RYR3: variants seen among roughly 807,000 people sequenced by gnomAD.
RYR3 encodes the protein brain ryanodine receptor-calcium release channel.
A neutral mutation model predicts 584.3 loss-of-function variants in RYR3; 207 were observed. That is an observed-to-expected ratio of 0.35 (90% CI 0.32 to 0.40). The LOEUF (loss-of-function observed/expected upper bound fraction) is 0.40, where lower values mean the gene tolerates loss of function less well. Among genes scored for constraint, RYR3 ranks in the 10% least tolerant of loss-of-function variants. The pLI is 1.00. For missense variants in RYR3, 5,616 were observed against 6,089.2 expected, an observed-to-expected ratio of 0.92 and a Z score of 2.59; for synonymous variants, 2,416 against 2,248.5, an observed-to-expected ratio of 1.07 and a Z score of -2.11.
intron 67 of RYR3, among the ~76,000 whole-genome samples, chr15:33,796,496 G>T (rs1052349536): frequency 6.6e-6 from 1 of 152,114 alleles, no homozygotes; most frequent in Non-Finnish European, 1.5e-5. Flanking sequence ...CCAGGATTCT[G>T]TTCTTATGCT....
Position 33,756,904 on chromosome 15 carries a change from T to C in RYR3, c.8583+531T>C, listed in dbSNP as rs564566882. Among the ~76,000 whole-genome samples the C allele has an allele frequency of 2.8e-3, 431 of 152,222 alleles. 2 individuals carry two copies. Among genetic ancestry groups the C allele is most frequent in the South Asian group, 0.014 (67 of 4,808 alleles). Reference sequence around the variant, plus strand: ...ACCGGGAGAAGGCACAGGACCTGTTTAAGTTCCATTTGAGCTTCATCCAGC... The same window carrying C: ...ACCGGGAGAAGGCACAGGACCTGTTCAAGTTCCATTTGAGCTTCATCCAGC... On this transcript the variant is annotated intron_variant, in intron 59 of 103. Coordinates refer to ENST00000634891, the MANE Select transcript of RYR3 (RefSeq NM_001036.6).
intron 43 of RYR3, among the ~76,000 whole-genome samples, chr15:33,713,272 G>A (rs533344053): frequency 1.9e-4 from 29 of 152,048 alleles, no homozygotes; most frequent in Non-Finnish European, 4.0e-4. Context: ...GTGAGTGGTA[G>A]TGGGAATTGT....
chr15:33,343,415 TTC>T (rs1335157465), intron 1 of RYR3, among the ~76,000 whole-genome samples: 1 of 152,224 alleles, frequency 6.6e-6, no homozygotes, highest in Admixed American at 6.5e-5. Context: ...CTGAACTGTC[TTC>T]TTTGTGGCAC....
intron 51 of RYR3, 33 bp from the exon 52 acceptor site, chr15:33,742,333 G>A: frequency 1.5e-6 from 2 of 1,375,958 alleles, no homozygotes; most frequent in Non-Finnish European, 2.1e-6. Context: ...GAAGTGCTTG[G>A]GGAGGTTGTA....
At chr15:33,657,634 A>G (rs1267435400) in intron 32 of RYR3, among the ~76,000 whole-genome samples, 2 of 152,370 alleles carry the variant, frequency 1.3e-5, no homozygotes, top group Non-Finnish European at 2.9e-5. Flanking sequence ...GCAAGTATAT[A>G]ATAGGTACTA....
chr15:33,675,825 T>G (rs2064141074), intron 38 of RYR3, among the ~76,000 whole-genome samples: 1 of 152,218 alleles, frequency 6.6e-6, no homozygotes, highest in Non-Finnish European at 1.5e-5. Context: ...GACAATAGTC[T>G]TTTAATTAAT....
At chr15:33,787,875 A>G (rs1409007369) in intron 66 of RYR3, among the ~76,000 whole-genome samples, 2 of 152,274 alleles carry the variant, frequency 1.3e-5, no homozygotes, top group African/African-American at 2.4e-5. Flanking sequence ...AGCCGAAAGC[A>G]AAAAGAATGG....
At chr15:33,688,024 C>T (rs1489809819) in intron 38 of RYR3, among the ~76,000 whole-genome samples, 1 of 152,152 alleles carries the variant, frequency 6.6e-6, no homozygotes, top group Non-Finnish European at 1.5e-5. Context: ...ATGACTAAAA[C>T]ACCAAAAGCA....
Position 33,623,888 on chromosome 15 carries a change from A to G in RYR3, c.2439A>G (p.Leu813=), listed in dbSNP as rs1358175256. Residue 813 remains leucine (L), a synonymous_variant, in exon 20 of 104, where the codon TTA becomes TTG. Coordinates refer to ENST00000634891, the MANE Select transcript of RYR3 (RefSeq NM_001036.6). The stretch of plus-strand genomic sequence containing the variant: ...GCTATGCCCCTTGCTATGAAGCCTT[A>G]CTTCCAAAAGAGAAGATGAGATTGG... ...PSGYAPCYEA[L]LPKEKMRLEP... The G allele has an allele frequency of 2.9e-5, 47 of 1,613,666 alleles. No individual in the cohort carries two copies. The highest frequency in any genetic ancestry group is 4.0e-5 in the Non-Finnish European group (47 of 1,179,750).
chr15:33,644,125 G>C (rs1273831823), intron 27 of RYR3, among the ~76,000 whole-genome samples, 186 bp from the exon 28 acceptor site: 1 of 152,136 alleles, frequency 6.6e-6, no homozygotes, highest in Non-Finnish European at 1.5e-5. Context: ...ACCATGGGCA[G>C]TGGTGGTCTC....
chr15:33,379,687 C>CTCTATA, intron 1 of RYR3, among the ~76,000 whole-genome samples: 275 of 125,508 alleles, frequency 2.2e-3, no homozygotes, highest in South Asian at 5.1e-3. Flanking sequence ...CTCTCTCTCT[C>CTCTATA]TATATATATA....
intron 12 of RYR3, among the ~76,000 whole-genome samples, chr15:33,579,301 A>T (rs574906682): frequency 1.3e-5 from 2 of 152,190 alleles, no homozygotes; most frequent in Non-Finnish European, 2.9e-5. Flanking sequence ...GAAAGCAGGC[A>T]TGTACACAGA....
chr15:33,739,905 A>G lies in RYR3; in HGVS notation c.7730A>G (p.Tyr2577Cys). Residue 2577 changes from tyrosine (Y) to cysteine (C), a missense_variant, in exon 51 of 104, where the codon TAT becomes TGT. Transcript: ENST00000634891. ...ATAGCTGGGGCCTTGCCACCAGATT[A>G]TTTAGATACCAGAATCACAGCCACG... ...SAIAGALPPD[Y>C]LDTRITATLE... The G allele has an allele frequency of 6.2e-7, 1 of 1,613,768 alleles. No homozygotes were observed. Among genetic ancestry groups the G allele is most frequent in the Non-Finnish European group, 8.5e-7 (1 of 1,179,800 alleles).
chr15:33,768,494 C>T (rs1387913671), intron 60 of RYR3, among the ~76,000 whole-genome samples, 164 bp from the exon 61 acceptor site: 1 of 152,218 alleles, frequency 6.6e-6, no homozygotes, highest in Non-Finnish European at 1.5e-5. Flanking sequence ...ACACATGTTC[C>T]TGAGTGTGGA....
rs1597032932 is a variant in RYR3 at position 33,852,906 on chromosome 15, A to G, written c.13629-139A>G. 7 of 720,000 alleles carry G rather than the reference A, an allele frequency of 9.7e-6. No individual in the cohort carries two copies. In the East Asian group the frequency reaches 1.4e-4, roughly 14 times the overall value. The allele number at this position is 720,000 out of a possible 1,614,324, so 44.6% of individuals were successfully genotyped here. ...GAGCCTGTGATGACTCTGAACTTCAATCAGATCTTAAAATTCTTTGGTGAG... is the reference window on the plus strand; with the variant it reads ...GAGCCTGTGATGACTCTGAACTTCAGTCAGATCTTAAAATTCTTTGGTGAG... On this transcript the variant is annotated intron_variant, in intron 94 of 103. Coordinates refer to ENST00000634891, the MANE Select transcript of RYR3 (RefSeq NM_001036.6).
In RYR3 at chr15:33,779,373, A is replaced by G. The variant is rs74008303; in HGVS notation, c.9138-838A>G. ...GACCTTAAGATATGGTGGACAGTCA[A>G]CTATTTGTACAAAAGAGGGAAAGGA... On this transcript the variant is annotated intron_variant, in intron 64 of 103. Transcript: ENST00000634891. 2.0e-3 allele frequency among the ~76,000 whole-genome samples: 299 copies of G among 152,290 alleles called. 1 individual carries two copies. Among genetic ancestry groups the G allele is most frequent in the African/African-American group, 7.1e-3 (294 of 41,546 alleles).
chr15:33,748,069 C>A (rs749801562), intron 53 of RYR3, 45 bp from the exon 54 acceptor site: 58 of 1,599,990 alleles, frequency 3.6e-5, no homozygotes, highest in Non-Finnish European at 4.6e-5. Context: ...AGGGAGAATG[C>A]TGGGGTGTGT....
chr15:33,477,878 A>G (rs1200040895), intron 2 of RYR3, among the ~76,000 whole-genome samples: 4 of 21,058 alleles, frequency 1.9e-4, no homozygotes, highest in East Asian at 1.0e-3. Context: ...CTGTCTCAAG[A>G]AAAAAAAAAA....
intron 1 of RYR3, among the ~76,000 whole-genome samples, chr15:33,362,682 C>G (rs1974947394): frequency 6.6e-6 from 1 of 152,168 alleles, no homozygotes; most frequent in African/African-American, 2.4e-5. Context: ...GGATCGCTCT[C>G]TGTTCTCTCC....
Sources: allele counts gnomAD v4.1 joint callset (sites outside exome capture counted in the v4.1 genomes callset), GRCh38; gene constraint gnomAD v4.1.1; transcripts MANE v1.5; gene names NCBI Gene and HGNC (gene_info 2026-07-23, HGNC 2026-07-21).